The following KIF18B variants were observed in gnomAD, a reference collection of about 807,000 sequenced individuals.
The protein encoded by KIF18B is kinesin-like protein KIF18B.
KIF18B carries 49 observed loss-of-function variants against 80.9 expected under a neutral mutation model. That is an observed-to-expected ratio of 0.61 (90% CI 0.48 to 0.77). The LOEUF (loss-of-function observed/expected upper bound fraction) is 0.77. Among genes scored for constraint, KIF18B ranks in the 30% least tolerant of loss-of-function variants. KIF18B has a pLI of 0.00. For missense variants in KIF18B, 994 were observed against 1,127.7 expected (o/e 0.88, Z 1.70); for synonymous variants, 439 against 463.9 (o/e 0.95, Z 0.69).
chr17:44,931,035 G>T (rs1191443546), intron 11 of KIF18B, among the ~76,000 whole-genome samples: 1 of 152,168 alleles, frequency 6.6e-6, no homozygotes, highest in Admixed American at 6.5e-5. Flanking sequence ...AGAGCTAAGT[G>T]GCAGGGGATT....
chr17:44,933,957 T>G lies in KIF18B; in HGVS notation c.1028A>C (p.Lys343Thr). 5 of 1,588,202 alleles carry G rather than the reference T, an allele frequency of 3.1e-6. No individual in the cohort carries two copies. Among genetic ancestry groups the G allele is most frequent in the Non-Finnish European group, 4.3e-6 (5 of 1,167,656 alleles). ...LTYEDTYNTL[K>T]YADRAKEIRL... Reference sequence around the variant, plus strand: ...GATCTCCTTGGCCCGGTCGGCATATTTGAGGGTGTTGTACGTGTCCTCGTA... The same window carrying G: ...GATCTCCTTGGCCCGGTCGGCATATGTGAGGGTGTTGTACGTGTCCTCGTA... Residue 343 changes from lysine (K) to threonine (T), a missense_variant, in exon 7 of 16, where the codon AAA (lysine) becomes ACA (threonine). Coordinates refer to ENST00000593135, the MANE Select transcript of KIF18B (RefSeq NM_001265577.2).
chr17:44,935,022 G>T, intron 3 of KIF18B, 87 bp from the exon 4 acceptor site: 1 of 1,025,042 alleles, frequency 9.8e-7, no homozygotes, highest in South Asian at 1.6e-5. Context: ...AGCTGAGGCC[G>T]GGATGTATCT....
At chr17:44,940,844 A>T (rs2052402404) in intron 1 of KIF18B, among the ~76,000 whole-genome samples, 1 of 152,218 alleles carries the variant, frequency 6.6e-6, no homozygotes, top group Non-Finnish European at 1.5e-5. Context: ...CTGTCCCCTC[A>T]TCCCTAAACT....
chr17:44,933,876 C>A (rs1277448761), intron 7 of KIF18B, 47 bp downstream of exon 7: 12 of 1,511,968 alleles, frequency 7.9e-6, no homozygotes, highest in Non-Finnish European at 1.1e-5. Flanking sequence ...TTCCTGCTCC[C>A]CGGCTGGAGC....
chr17:44,942,959 C>A (rs920410642), intron 1 of KIF18B, among the ~76,000 whole-genome samples: 1 of 152,190 alleles, frequency 6.6e-6, no homozygotes, highest in Non-Finnish European at 1.5e-5. Context: ...GGGGCACTAC[C>A]CCATCCTTAG....
intron 1 of KIF18B, among the ~76,000 whole-genome samples, chr17:44,941,032 C>T (rs1249395885): frequency 1.3e-5 from 2 of 151,952 alleles, no homozygotes; most frequent in African/African-American, 2.4e-5. Flanking sequence ...TCCTTTTATC[C>T]CCATTGCAAT....
At position 44,932,642 on chromosome 17, in the gene KIF18B, G is replaced by A. The variant is rs142669336; in HGVS notation, c.1238+31C>T. 7.5e-4 allele frequency: 865 copies of A among 1,158,690 alleles called. 6 individuals are homozygous for A. In the African/African-American group the frequency reaches 0.01, roughly 14 times the overall value. 71.8% of individuals were successfully genotyped at this position (1,158,690 alleles called of 1,614,324 possible). ...GCTCCCCATCCTGGCTGAGCTGCAG[G>A]GTGGGGGCGGGAATGGGCAGTGGAA... On this transcript the variant is annotated intron_variant, in intron 9 of 15. Transcript: ENST00000593135.
chr17:44,934,801 CG>C lies in KIF18B; in HGVS notation c.576+29del. Reference sequence around the variant, plus strand: ...AGGGAACCCCAAGGACCCATGGGGCCGATCATCCTACCCGAGCCCAATCCCA... The same window carrying C: ...AGGGAACCCCAAGGACCCATGGGGCCATCATCCTACCCGAGCCCAATCCCA... On this transcript the variant is annotated intron_variant, in intron 4 of 15. Transcript: ENST00000593135. The surrounding 1 kb of genome is among the most constrained non-coding windows in gnomAD (Gnocchi z 5.4). 6.8e-7 allele frequency: 1 copy of C among 1,480,344 alleles called. No homozygotes were observed. Among genetic ancestry groups the C allele is most frequent in the Non-Finnish European group, 9.2e-7 (1 of 1,086,968 alleles). The allele number at this position is 1,480,344 out of a possible 1,614,324, so 91.7% of individuals were successfully genotyped here.
Position 44,928,253 on chromosome 17 carries a change from G to C in KIF18B, c.2049C>G (p.Pro683=). 1 of 1,613,574 alleles carries C rather than the reference G, an allele frequency of 6.2e-7. No homozygotes were observed. The highest frequency in any genetic ancestry group is 1.1e-5 in the South Asian group (1 of 91,060). ...STPKGERASS[P]CHSPRVCPAT... Reference sequence around the variant, plus strand: ...CTGGGCAAACGCGAGGGGAATGGCAGGGGGAGGAGGCCCTTTCTCCTTTGG... The same window carrying C: ...CTGGGCAAACGCGAGGGGAATGGCACGGGGAGGAGGCCCTTTCTCCTTTGG... The change falls in exon 13 of 16, where the codon CCC becomes CCG. Residue 683 remains proline (P), a synonymous_variant. Coordinates refer to ENST00000593135, the MANE Select transcript of KIF18B (RefSeq NM_001265577.2).
intron 1 of KIF18B, among the ~76,000 whole-genome samples, chr17:44,943,339 A>T (rs1391122583): frequency 6.6e-6 from 1 of 152,000 alleles, no homozygotes; most frequent in African/African-American, 2.4e-5. Flanking sequence ...TGACTTTGTG[A>T]TCCACCCGCC....
In KIF18B at chr17:44,928,332, C is replaced by A. The variant is rs766478464; in HGVS notation, c.1970G>T (p.Cys657Phe). 6.2e-7 allele frequency: 1 copy of A among 1,611,460 alleles called. No individual in the cohort carries two copies. Among genetic ancestry groups the A allele is most frequent in the Non-Finnish European group, 8.5e-7 (1 of 1,179,216 alleles). The change falls in exon 13 of 16, where the codon TGC becomes TTC. Residue 657 changes from cysteine to phenylalanine, a missense_variant. Physicochemically the swap from Cys to Phe is radical, Grantham distance 205. Transcript: ENST00000593135. ...GTCAGGCAGAGACCCTCTCCTTAGGCAGGGCAGGAAGGACTGGCGCTGGCG... is the reference window on the plus strand; with the variant it reads ...GTCAGGCAGAGACCCTCTCCTTAGGAAGGGCAGGAAGGACTGGCGCTGGCG... ...TKRQRQSFLP[C>F]LRRGSLPDTQ...
Position 44,928,832 on chromosome 17 carries a change from C to A in KIF18B, c.1710G>T (p.Leu570=). Reference sequence around the variant, plus strand: ...GATGAGACTCACTTGACTCTGAACACAGCTCCTGAGCCAGAGGTGCCCCCC... The same window carrying A: ...GATGAGACTCACTTGACTCTGAACAAAGCTCCTGAGCCAGAGGTGCCCCCC... The part of the protein sequence containing the change: ...LARGAPLAQE[L]CSESIPVPSP... Residue 570 remains leucine (L), a synonymous_variant, in exon 12 of 16, where the codon CTG becomes CTT. Transcript: ENST00000593135. 6.2e-7 allele frequency: 1 copy of A among 1,613,730 alleles called. No individual in the cohort carries two copies. The highest frequency in any genetic ancestry group is 2.2e-5 in the East Asian group (1 of 44,874).
At chr17:44,932,314 T>G in intron 9 of KIF18B, 108 bp from the exon 10 acceptor site, 18 of 1,290,280 alleles carry the variant, frequency 1.4e-5, no homozygotes, top group Non-Finnish European at 1.9e-5. Context: ...GTGGGATCTC[T>G]GTGGCACCCA....
At chr17:44,926,268 CACCT>C in intron 15 of KIF18B, 82 bp from the exon 16 acceptor site, 2 of 1,591,532 alleles carry the variant, frequency 1.3e-6, no homozygotes, top group Non-Finnish European at 1.7e-6. Context: ...GCCCACCTCC[CACCT>C]GTCTCATCAG....
chr17:44,943,733 G>C (rs1423221899), intron 1 of KIF18B, among the ~76,000 whole-genome samples: 1 of 151,832 alleles, frequency 6.6e-6, no homozygotes, highest in Non-Finnish European at 1.5e-5. Flanking sequence ...TTTTAGACCA[G>C]GTCTCATGTT....
intron 2 of KIF18B, among the ~76,000 whole-genome samples, chr17:44,935,763 C>A (rs558126343): frequency 6.6e-6 from 1 of 152,210 alleles, no homozygotes; most frequent in East Asian, 1.9e-4. Flanking sequence ...TGAGTGGTGT[C>A]TTCTCCCCTC....
intron 7 of KIF18B, 55 bp downstream of exon 7, chr17:44,933,868 C>T (rs2052213749): frequency 2.5e-5 from 37 of 1,492,716 alleles, no homozygotes; most frequent in Non-Finnish European, 3.2e-5. Flanking sequence ...CCCACCCTTT[C>T]CTGCTCCCCG....
intron 1 of KIF18B, among the ~76,000 whole-genome samples, chr17:44,936,608 A>C (rs1283024706): frequency 9.7e-4 from 67 of 69,278 alleles, no homozygotes; most frequent in African/African-American, 2.7e-3. Context: ...CTATATATAT[A>C]TATATATATA....
Position 44,932,956 on chromosome 17 carries a change from G to A in KIF18B, c.1093C>T (p.His365Tyr). Residue 365 changes from histidine to tyrosine, a missense_variant, in exon 8 of 16, where the codon CAC becomes TAC. His to Tyr is a moderately conservative substitution (Grantham distance 83). Transcript: ENST00000593135. ...CAGATGGTAGCATACTGGCTGATGTGACAGTCCAGGCTGGTCACATTGCTC... is the reference window on the plus strand; with the variant it reads ...CAGATGGTAGCATACTGGCTGATGTAACAGTCCAGGCTGGTCACATTGCTC... ...LKSNVTSLDC[H>Y]ISQYATICQQ... 1 of 1,607,312 alleles carries A rather than the reference G, an allele frequency of 6.2e-7. No homozygotes were observed. The highest frequency in any genetic ancestry group is 8.5e-7 in the Non-Finnish European group (1 of 1,174,440).
Sources: allele counts gnomAD v4.1 joint callset (sites outside exome capture counted in the v4.1 genomes callset), GRCh38; gene constraint gnomAD v4.1.1; non-coding constraint Gnocchi (gnomAD v3.1); transcripts MANE v1.5; gene names NCBI Gene and HGNC (gene_info 2026-07-23, HGNC 2026-07-21).